Variants in RAB7A observed in about 807,000 individuals in gnomAD.
The protein encoded by RAB7A is RAB7A, member RAS oncogene family, also known as ras-related protein Rab-7a.
In RAB7A, 2 loss-of-function variants were observed where a neutral mutation model predicts 24.5. That is an observed-to-expected ratio of 0.08 (90% CI 0.03 to 0.26). The LOEUF is 0.26. RAB7A is among the 10% of genes least tolerant of loss of function. The probability of loss-of-function intolerance (pLI) is 1.00; values close to 1 mark genes in which losing one functional copy is unlikely to be tolerated. For missense variants in RAB7A, 118 were observed against 255.7 expected, an observed-to-expected ratio of 0.46 and a Z score of 3.67; for synonymous variants, 100 against 95.9, an observed-to-expected ratio of 1.04 and a Z score of -0.25.
At chr3:128,743,062 G>T (rs975744089) in intron 1 of RAB7A, among the ~76,000 whole-genome samples, 2 of 152,234 alleles carry the variant, frequency 1.3e-5, no homozygotes, top group Admixed American at 6.5e-5. Context: ...CCAGAGCCCT[G>T]CCCCACGGGG....
intron 1 of RAB7A, among the ~76,000 whole-genome samples, chr3:128,784,090 A>G (rs1171888872): frequency 3.3e-5 from 5 of 152,260 alleles, no homozygotes; most frequent in African/African-American, 1.2e-4. Flanking sequence ...GACTTCAGCC[A>G]TAAAATCCTA....
At chr3:128,726,409 C>G (rs2070378894) in intron 1 of RAB7A, 50 bp downstream of exon 1, 2 of 152,286 alleles carry the variant, frequency 1.3e-5, no homozygotes, top group African/African-American at 2.4e-5. Flanking sequence ...TCCCCCCCCT[C>G]AGCCCCTCGG....
chr3:128,811,967 G>A (rs1332461718), intron 5 of RAB7A, among the ~76,000 whole-genome samples: 1 of 152,158 alleles, frequency 6.6e-6, no homozygotes, highest in African/African-American at 2.4e-5. Flanking sequence ...GAGACAGAAA[G>A]TAGATGAGTG....
intron 1 of RAB7A, among the ~76,000 whole-genome samples, chr3:128,740,598 G>A (rs143262196): frequency 6.9e-4 from 105 of 152,080 alleles, no homozygotes; most frequent in African/African-American, 2.5e-3. Flanking sequence ...CATTGTTGAG[G>A]GCTTGTGTTT....
chr3:128,753,985 A>G (rs1401416188), intron 1 of RAB7A, among the ~76,000 whole-genome samples: 1 of 152,102 alleles, frequency 6.6e-6, no homozygotes, highest in Non-Finnish European at 1.5e-5. Context: ...GAGGAACACA[A>G]ACACTAAAAC....
At chr3:128,774,228 T>TA (rs1211150225) in intron 1 of RAB7A, among the ~76,000 whole-genome samples, 2 of 150,116 alleles carry the variant, frequency 1.3e-5, no homozygotes, top group South Asian at 2.1e-4. Context: ...TGCAGAAACT[T>TA]ACGCTGTTAG....
chr3:128,795,257 A>G lies in RAB7A; in HGVS notation c.-8-103A>G, dbSNP rs1933541225. The G allele has an allele frequency of 1.2e-5, 11 of 947,888 alleles. No homozygotes were observed. The South Asian group carries it at 1.3e-4, about 11-fold the overall frequency. 58.7% of individuals were successfully genotyped at this position (947,888 alleles called of 1,614,324 possible). ...AGGAAGATACCTAGCAGGAAGGTTC[A>G]GGGCCCTGCACTGTTGGGGCTGCTC... On this transcript the variant is annotated intron_variant, in intron 1 of 5. Coordinates refer to ENST00000265062, the MANE Select transcript of RAB7A (RefSeq NM_004637.6).
chr3:128,748,204 G>A (rs543305354), intron 1 of RAB7A, among the ~76,000 whole-genome samples: 1 of 152,320 alleles, frequency 6.6e-6, no homozygotes, highest in Admixed American at 6.5e-5. Context: ...TAAGATTATC[G>A]TTGGGGACAG....
chr3:128,742,914 T>C (rs2070569047), intron 1 of RAB7A, among the ~76,000 whole-genome samples: 1 of 152,178 alleles, frequency 6.6e-6, no homozygotes, highest in Admixed American at 6.5e-5. Context: ...AGCAGTCCCA[T>C]GCTGCGCACC....
rs1161416799 is a variant in RAB7A at position 128,795,158 on chromosome 3, G to A, written c.-8-202G>A. The A allele has an allele frequency of 1.3e-5, 8 of 626,162 alleles. No homozygotes were observed. The Admixed American group carries it at 1.7e-4, about 13-fold the overall frequency. The allele number at this position is 626,162 out of a possible 1,614,324, so 38.8% of individuals were successfully genotyped here. ...CTTGCAGGGGCAGGATGGCCCTGCT[G>A]TGCTGTTCTGCCTCGCTCTTGGGTC... On this transcript the variant is annotated intron_variant, in intron 1 of 5. Transcript: ENST00000265062.
At chr3:128,755,500 T>G (rs771593669) in intron 1 of RAB7A, among the ~76,000 whole-genome samples, 5 of 151,682 alleles carry the variant, frequency 3.3e-5, no homozygotes, top group Non-Finnish European at 7.4e-5. Context: ...ACTAATACAG[T>G]AGAGATAAAT....
chr3:128,776,899 ATC>A (rs1341303583), intron 1 of RAB7A, among the ~76,000 whole-genome samples: 1 of 149,994 alleles, frequency 6.7e-6, no homozygotes, highest in African/African-American at 2.4e-5. Flanking sequence ...GTGAGGTGGT[ATC>A]TCAGTGTGGC....
At chr3:128,770,363 T>C (rs1300919901) in intron 1 of RAB7A, among the ~76,000 whole-genome samples, 1 of 152,232 alleles carries the variant, frequency 6.6e-6, no homozygotes, top group Admixed American at 6.5e-5. Flanking sequence ...TCTGTTTTGT[T>C]TGATCTAGTC....
chr3:128,783,294 G>C (rs541487076), intron 1 of RAB7A, among the ~76,000 whole-genome samples: 2 of 148,404 alleles, frequency 1.3e-5, no homozygotes, highest in South Asian at 2.2e-4. Flanking sequence ...AGAGACCCAG[G>C]TAGTCATGAT....
intron 5 of RAB7A, among the ~76,000 whole-genome samples, chr3:128,811,811 T>C (rs1358365515): frequency 2.0e-5 from 3 of 150,570 alleles, no homozygotes; most frequent in African/African-American, 4.9e-5. Context: ...ATCATGCCAT[T>C]GCACTCCAGC....
intron 1 of RAB7A, among the ~76,000 whole-genome samples, chr3:128,779,975 T>C (rs537886936): frequency 6.6e-6 from 1 of 152,178 alleles, no homozygotes; most frequent in East Asian, 1.9e-4. Flanking sequence ...TGGGCTGAAG[T>C]GTGGAGATTG....
intron 1 of RAB7A, among the ~76,000 whole-genome samples, chr3:128,769,111 T>C (rs1004709085): frequency 3.3e-5 from 5 of 151,614 alleles, no homozygotes; most frequent in Admixed American, 3.3e-4. Context: ...CCAGGATTTC[T>C]TCAAACTCCT....
rs1387967024 is a variant in RAB7A at position 128,727,362 on chromosome 3, A to C, written c.-9+1003A>C. Among the ~76,000 whole-genome samples the C allele has an allele frequency of 3.3e-5, 5 of 152,242 alleles. No homozygotes were observed. In the East Asian group the frequency reaches 9.7e-4, roughly 29 times the overall value. On this transcript the variant is annotated intron_variant, in intron 1 of 5. Coordinates refer to ENST00000265062, the MANE Select transcript of RAB7A (RefSeq NM_004637.6). ...CTCCAGAGCACTGTATTAAATTTCT[A>C]GGTTGTACTGCTTTCACGTACCCCT...
chr3:128,741,662 G>T (rs2070555639), intron 1 of RAB7A, among the ~76,000 whole-genome samples: 1 of 152,116 alleles, frequency 6.6e-6, no homozygotes, highest in African/African-American at 2.4e-5. Context: ...GGGATTACAG[G>T]CATGAGCCAC....
Sources: gnomAD v4.1 joint callset for allele counts (sites outside exome capture counted in the v4.1 genomes callset) on GRCh38, gnomAD v4.1.1 for gene constraint, MANE v1.5 for transcripts, NCBI Gene and HGNC (gene_info 2026-07-23, HGNC 2026-07-21) for gene names.